SNORC: variants seen among roughly 807,000 people sequenced by gnomAD.
SNORC encodes the protein protein SNORC.
A neutral mutation model predicts 9.7 loss-of-function variants in SNORC; 11 were observed. The observed-to-expected ratio is 1.14, with a 90% CI of 0.72 to 1.88. The LOEUF is 1.88. Ranked by LOEUF, SNORC falls within the 40% of genes most tolerant of loss-of-function variation. The pLI is 0.00. For synonymous variants in SNORC, 108 were observed against 88.7 expected, an observed-to-expected ratio of 1.22 and a Z score of -1.22; for missense variants, 197 against 173.1, an observed-to-expected ratio of 1.14 and a Z score of -0.77.
chr2:232,872,881 C>T (rs1691082925), intron 1 of SNORC, among the ~76,000 whole-genome samples: 1 of 152,256 alleles, frequency 6.6e-6, no homozygotes, highest in South Asian at 2.1e-4. Context: ...CTCGGCCCCT[C>T]CCTGGCAGCG....
upstream of SNORC, among the ~76,000 whole-genome samples, chr2:232,868,328 C>A (rs1014865247): frequency 3.3e-5 from 5 of 152,092 alleles, no homozygotes; most frequent in African/African-American, 1.2e-4. Context: ...AACTCCTGAC[C>A]TCAAGTGATC....
intron 1 of SNORC, among the ~76,000 whole-genome samples, chr2:232,871,423 G>C (rs2675967): frequency 0.64 from 97,199 of 152,040 alleles, 31,501 homozygotes; most frequent in African/African-American, 0.72. Flanking sequence ...GTGCCTTCTC[G>C]TCATCTGTAG....
chr2:232,876,653 G>A, downstream of SNORC: 11 of 1,018,656 alleles, frequency 1.1e-5, no homozygotes, highest in Non-Finnish European at 1.3e-5. This position sits in a 1 kb window ranked among gnomAD's most constrained non-coding sequence, Gnocchi z 6.8. Context: ...GCGGCTCGGC[G>A]TCCCCGTGCA....
intron 1 of SNORC, among the ~76,000 whole-genome samples, chr2:232,873,413 C>G (rs1419956948): frequency 6.6e-6 from 1 of 152,010 alleles, no homozygotes; most frequent in Non-Finnish European, 1.5e-5. Context: ...CTGCCCTGCT[C>G]AGAGGGTACC....
exon 1 of SNORC, chr2:232,870,330 C>T: frequency 6.4e-7 from 1 of 1,554,860 alleles, no homozygotes; most frequent in South Asian, 1.2e-5. Context: ...GCTGCCCTCA[C>T]TCCCGGCCAG....
At chr2:232,871,994 C>T (rs1181790646) in intron 1 of SNORC, among the ~76,000 whole-genome samples, 3 of 152,238 alleles carry the variant, frequency 2.0e-5, no homozygotes, top group Non-Finnish European at 4.4e-5. Context: ...CAGCCAGGAC[C>T]TCACCTGGCC....
intron 1 of SNORC, among the ~76,000 whole-genome samples, chr2:232,874,963 G>A (rs549042873): frequency 6.6e-6 from 1 of 152,336 alleles, no homozygotes; most frequent in South Asian, 2.1e-4. Flanking sequence ...AAAGAGATGA[G>A]GTGTTGGGAC....
upstream of SNORC, chr2:232,869,696 AAG>A (rs1690951779): frequency 6.4e-6 from 1 of 155,170 alleles, no homozygotes; most frequent in Non-Finnish European, 1.4e-5. Context: ...CAGAGAGCGA[AAG>A]AGGAAACAGG....
chr2:232,868,413 AC>A (rs1293848368), upstream of SNORC, among the ~76,000 whole-genome samples: 1 of 151,956 alleles, frequency 6.6e-6, no homozygotes, highest in African/African-American at 2.4e-5. Context: ...TTTCATCTTC[AC>A]CATCCATGGC....
upstream of SNORC, among the ~76,000 whole-genome samples, chr2:232,867,012 C>T (rs1252845371): frequency 6.6e-6 from 1 of 152,156 alleles, no homozygotes; most frequent in African/African-American, 2.4e-5. Context: ...AGGCTGGTCT[C>T]GAACTCGTTA....
chr2:232,867,962 A>G (rs1690909224), upstream of SNORC, among the ~76,000 whole-genome samples: 1 of 152,158 alleles, frequency 6.6e-6, no homozygotes, highest in African/African-American at 2.4e-5. Flanking sequence ...GTCCTTCCTT[A>G]AAGATAAATT....
intron 1 of SNORC, among the ~76,000 whole-genome samples, chr2:232,870,779 G>A (rs934293308): frequency 6.6e-6 from 1 of 152,138 alleles, no homozygotes; most frequent in Non-Finnish European, 1.5e-5. Flanking sequence ...AGCAGCTGAG[G>A]GGCCAGAGGA....
chr2:232,876,998 A>G (rs1418636644), downstream of SNORC: 2 of 985,414 alleles, frequency 2.0e-6, no homozygotes, highest in East Asian at 1.1e-4. This position sits in a 1 kb window ranked among gnomAD's most constrained non-coding sequence, Gnocchi z 6.8. Flanking sequence ...TGGGGAGGGC[A>G]GGGGCCGTCG....
chr2:232,869,134 T>C (rs2106185657), upstream of SNORC: 1 of 152,208 alleles, frequency 6.6e-6, no homozygotes, highest in East Asian at 1.9e-4. Context: ...TAAATACGCA[T>C]GCTAAAAAGA....
chr2:232,877,287 C>G (rs1346204382), downstream of SNORC: 4 of 985,362 alleles, frequency 4.1e-6, no homozygotes, highest in African/African-American at 7.0e-5. Flanking sequence ...TCACTTCACC[C>G]TCAGAGAGTC....
At chr2:232,868,986 CAGT>C (rs1332911629), upstream of SNORC, 1 of 152,154 alleles carries the variant, frequency 6.6e-6, no homozygotes, top group Non-Finnish European at 1.5e-5. Context: ...CATAAATTAA[CAGT>C]AGTTTTTAGT....
chr2:232,876,679 C>A, downstream of SNORC: 1 of 999,836 alleles, frequency 1.0e-6, no homozygotes, highest in Non-Finnish European at 1.2e-6. The surrounding 1 kb of genome is among the most constrained non-coding windows in gnomAD (Gnocchi z 6.8). Context: ...GCTGGAGTGC[C>A]TCAGGAGCGC....
At chr2:232,867,020 T>G (rs74965951), upstream of SNORC, among the ~76,000 whole-genome samples, 1 of 152,176 alleles carries the variant, frequency 6.6e-6, no homozygotes, top group Non-Finnish European at 1.5e-5. Flanking sequence ...CTCGAACTCG[T>G]TACCTCAAGT....
chr2:232,877,115 G>C (rs1461682112), downstream of SNORC: 15 of 985,870 alleles, frequency 1.5e-5, no homozygotes, highest in Non-Finnish European at 1.8e-5. Flanking sequence ...GCCCCCCTCT[G>C]CCCAGGGAGC....
Sources: gnomAD v4.1 joint callset for allele counts (sites outside exome capture counted in the v4.1 genomes callset) on GRCh38, gnomAD v4.1.1 for gene constraint, Gnocchi (gnomAD v3.1) non-coding constraint, MANE v1.5 for transcripts, NCBI Gene and HGNC (gene_info 2026-07-23, HGNC 2026-07-21) for gene names.